The following TTC19 variants were observed in gnomAD, a reference collection of about 807,000 sequenced individuals.
The protein encoded by TTC19 is tetratricopeptide repeat domain 19, also known as tetratricopeptide repeat protein 19, mitochondrial.
In TTC19, 38 loss-of-function variants were observed where a neutral mutation model predicts 49.5. The observed-to-expected ratio is 0.77, with a 90% confidence interval of 0.59 to 1.01. The LOEUF is 1.01. Ranked by LOEUF, TTC19 falls within the 50% of genes least tolerant of loss-of-function variation. The pLI is 0.00. For missense variants in TTC19, 475 were observed against 477.7 expected (o/e 0.99, Z 0.05); for synonymous variants, 204 against 185.2 (o/e 1.10, Z -0.83).
chr17:16,045,000 A>T, exon 3 of TTC19: 4 of 233,038 alleles, frequency 1.7e-5, no homozygotes, highest in Non-Finnish European at 1.7e-5. Context: ...TGAACTTAAG[A>T]AAAAAAAAAA....
downstream of TTC19, chr17:16,031,510 T>TAACA: frequency 4.8e-6 from 1 of 206,364 alleles, no homozygotes; most frequent in African/African-American, 2.3e-5. Flanking sequence ...CCAGTGTGCG[T>TAACA]AACAGTGAGG....
chr17:16,032,504 T>C (rs1972253754), downstream of TTC19: 1 of 1,561,004 alleles, frequency 6.4e-7, no homozygotes, highest in African/African-American at 1.4e-5. Context: ...AAAAATTAGG[T>C]TTTCATTGTC....
In TTC19 at chr17:16,027,537, A is replaced by G. The variant is rs747551066; in HGVS notation, c.*15A>G. The G allele has an allele frequency of 3.2e-5, 51 of 1,613,506 alleles. No homozygotes were observed. The highest frequency in any genetic ancestry group is 4.0e-5 in the African/African-American group (3 of 74,904). On this transcript the variant is annotated 3_prime_UTR_variant, in exon 10 of 10. Coordinates refer to ENST00000261647, the MANE Select transcript of TTC19 (RefSeq NM_017775.4). ...TCAAGCTCTAAATCCATTTTTGTGT[A>G]GGGAGAATAATGTCTAGTAATGTGG...
chr17:16,016,712 T>A (rs1458156306), intron 7 of TTC19, among the ~76,000 whole-genome samples: 1 of 151,958 alleles, frequency 6.6e-6, no homozygotes, highest in African/African-American at 2.4e-5. Flanking sequence ...TGTGCACCAC[T>A]GCATCTGGCT....
chr17:16,026,166 C>T (rs930037737), intron 8 of TTC19, among the ~76,000 whole-genome samples: 3 of 152,064 alleles, frequency 2.0e-5, no homozygotes, highest in East Asian at 3.9e-4. Context: ...CAGTGGGGCT[C>T]CAGAGGCAAT....
chr17:16,003,278 T>TCA (rs1215069097), intron 4 of TTC19, among the ~76,000 whole-genome samples: 1 of 151,970 alleles, frequency 6.6e-6, no homozygotes, highest in Non-Finnish European at 1.5e-5. Context: ...TAAGATAAGG[T>TCA]CTTGCTCTGT....
chr17:16,007,405 A>T (rs889477886), intron 7 of TTC19, among the ~76,000 whole-genome samples: 3 of 152,152 alleles, frequency 2.0e-5, no homozygotes, highest in Admixed American at 6.6e-5. Flanking sequence ...CAGGAGATTC[A>T]TTCTTATTGT....
At chr17:16,003,394 G>A (rs1448302795) in intron 4 of TTC19, among the ~76,000 whole-genome samples, 1 of 151,260 alleles carries the variant, frequency 6.6e-6, no homozygotes, top group African/African-American at 2.4e-5. Context: ...GGGATTCCAG[G>A]CGTGTGCCAC....
chr17:16,031,107 A>AATTC (rs1269021222), downstream of TTC19: 2 of 192,512 alleles, frequency 1.0e-5, no homozygotes, highest in East Asian at 1.7e-4. Flanking sequence ...ATTAGTTTAG[A>AATTC]ATTCAGTCTT....
intron 7 of TTC19, 142 bp downstream of exon 7, chr17:16,006,710 C>T: frequency 1.6e-6 from 1 of 615,428 alleles, no homozygotes; most frequent in Non-Finnish European, 2.9e-6. Context: ...AAGGTATCAG[C>T]AGAAGTTTTG....
intron 7 of TTC19, among the ~76,000 whole-genome samples, chr17:16,022,968 T>G (rs776313262): frequency 6.6e-6 from 1 of 152,156 alleles, no homozygotes; most frequent in Non-Finnish European, 1.5e-5. Flanking sequence ...ATTAAAGTAC[T>G]TGATTTTTTT....
chr17:16,002,798 C>CAACTTAGCATTTATACGGG lies in TTC19; in HGVS notation c.430_448dup (p.Gly150GlufsTer10). The CAACTTAGCATTTATACGGG allele has an allele frequency of 6.2e-7, 1 of 1,613,902 alleles. No individual in the cohort carries two copies. The highest frequency in any genetic ancestry group is 8.5e-7 in the Non-Finnish European group (1 of 1,179,942). Reference sequence around the variant, plus strand: ...AATTTGTAATTTGCTTTCAGATGGCCAACTTAGCATTTATACGGGGTCAGC... The same window carrying CAACTTAGCATTTATACGGG: ...AATTTGTAATTTGCTTTCAGATGGCCAACTTAGCATTTATACGGGAACTTAGCATTTATACGGGGTCAGC... On this transcript the variant is annotated frameshift_variant, in exon 4 of 10. Transcript: ENST00000261647. LOFTEE classifies it high-confidence loss of function.
Position 16,027,876 on chromosome 17 carries a change from G to A in TTC19, c.*354G>A, listed in dbSNP as rs550684742. On this transcript the variant is annotated 3_prime_UTR_variant, in exon 10 of 10. Transcript: ENST00000261647. ...ATTCAGCCTGGCATTTCTACCATAA[G>A]TTTTTGGTCTGCTGATTTGCTGCCC... The A allele has an allele frequency of 3.6e-5, 17 of 466,416 alleles. No individual in the cohort carries two copies. Among genetic ancestry groups the A allele is most frequent in the Non-Finnish European group, 6.4e-5 (15 of 234,606 alleles). The allele number at this position is 466,416 out of a possible 1,614,324, so 28.9% of individuals were successfully genotyped here.
intron 3 of TTC19, 92 bp from the exon 4 acceptor site, chr17:16,002,701 T>G (rs1970780094): frequency 1.6e-6 from 2 of 1,233,174 alleles, no homozygotes; most frequent in Non-Finnish European, 2.4e-6. Flanking sequence ...TTTTTAAATT[T>G]TGAGGGTGAA....
At chr17:16,024,462 A>ATTTTTTTTTTTTTTT (rs71353766) in intron 7 of TTC19, 1 of 133,970 alleles carries the variant, frequency 7.5e-6, no homozygotes, top group Non-Finnish European at 1.6e-5. Context: ...CGCCTGGCTA[A>ATTTTTTTTTTTTTTT]TTTTTTTTTT....
At chr17:16,031,207 G>C (rs1045955167), downstream of TTC19, 1 of 199,796 alleles carries the variant, frequency 5.0e-6, no homozygotes, top group Non-Finnish European at 1.0e-5. Context: ...GTAAATGCTG[G>C]TCCATAGTGA....
At chr17:16,024,713 G>A in intron 7 of TTC19, 1 of 388,054 alleles carries the variant, frequency 2.6e-6, no homozygotes, top group South Asian at 2.3e-5. Flanking sequence ...GTTTTTCATT[G>A]GCCTTGACTT....
intron 2 of TTC19, chr17:16,039,324 G>A (rs781330341): frequency 9.4e-7 from 1 of 1,066,746 alleles, no homozygotes; most frequent in Non-Finnish European, 1.4e-6. Context: ...AGGTGACTCT[G>A]AGCACATAAA....
chr17:16,044,844 C>T (rs373777997), exon 3 of TTC19: 1 of 988,324 alleles, frequency 1.0e-6, no homozygotes, highest in Non-Finnish European at 1.6e-6. Flanking sequence ...GCTGGTGCTG[C>T]ACCAGTGGGA....
Sources: gnomAD v4.1 joint callset for allele counts (sites outside exome capture counted in the v4.1 genomes callset) on GRCh38, gnomAD v4.1.1 for gene constraint, MANE v1.5 for transcripts, NCBI Gene and HGNC (gene_info 2026-07-23, HGNC 2026-07-21) for gene names.